The following PKD1L1 variants were observed in gnomAD, a reference collection of about 807,000 sequenced individuals.
PKD1L1 encodes polycystin 1 like 1, transient receptor potential channel interacting, also known as polycystin-1-like protein 1.
Under a neutral mutation model 323.4 loss-of-function variants are expected in PKD1L1, and 236 were observed. The ratio of observed to expected loss-of-function variants is 0.73; its 90% CI spans 0.66 to 0.81. The LOEUF (loss-of-function observed/expected upper bound fraction) is 0.81, where lower values mean the gene tolerates loss of function less well. Among genes scored for constraint, PKD1L1 ranks in the 40% least tolerant of loss-of-function variants. The pLI, the probability that PKD1L1 is intolerant of heterozygous loss-of-function variation, is 0.00. For missense variants in PKD1L1, 3,320 were observed against 3,508.0 expected, an observed-to-expected ratio of 0.95 and a Z score of 1.35; for synonymous variants, 1,344 against 1,335.0, an observed-to-expected ratio of 1.01 and a Z score of -0.15.
At chr7:47,833,009 C>T in intron 41 of PKD1L1, 81 bp downstream of exon 41, 1 of 1,493,048 alleles carries the variant, frequency 6.7e-7, no homozygotes. Context: ...CCAATTGTGA[C>T]TCTGCTTGCC....
chr7:47,884,438 G>A (rs1017856554), intron 19 of PKD1L1, among the ~76,000 whole-genome samples, 160 bp downstream of exon 19: 1 of 152,110 alleles, frequency 6.6e-6, no homozygotes, highest in Admixed American at 6.5e-5. Flanking sequence ...TAGAAATAAA[G>A]GTTTGGTTCA....
intron 44 of PKD1L1, among the ~76,000 whole-genome samples, chr7:47,828,324 T>C (rs967488078): frequency 6.6e-6 from 1 of 151,544 alleles, no homozygotes; most frequent in African/African-American, 2.4e-5. Flanking sequence ...AGAAAGAAAA[T>C]GAACAAACTG....
chr7:47,792,907 G>T, intron 55 of PKD1L1, 110 bp from the exon 56 acceptor site: 1 of 1,027,874 alleles, frequency 9.7e-7, no homozygotes, highest in Non-Finnish European at 1.4e-6. Context: ...ATTGGGCTAT[G>T]TTAGGAAACA....
At chr7:47,836,112 T>C (rs1785451795) in intron 37 of PKD1L1, among the ~76,000 whole-genome samples, 1 of 152,236 alleles carries the variant, frequency 6.6e-6, no homozygotes, top group Admixed American at 6.5e-5. Context: ...TTCCTGCTAC[T>C]TGATGATATT....
intron 17 of PKD1L1, among the ~76,000 whole-genome samples, chr7:47,887,414 C>T (rs1042797891): frequency 3.9e-5 from 6 of 152,236 alleles, no homozygotes; most frequent in Non-Finnish European, 5.9e-5. Flanking sequence ...TTCAAACCTT[C>T]GTGTCCTGCA....
intron 34 of PKD1L1, among the ~76,000 whole-genome samples, chr7:47,842,243 G>A (rs1785577140): frequency 6.6e-6 from 1 of 152,182 alleles, no homozygotes; most frequent in Non-Finnish European, 1.5e-5. Flanking sequence ...TGGTGAGTAA[G>A]GACCACATAA....
Position 47,890,528 on chromosome 7 carries a change from A to G in PKD1L1, c.2675+14T>C, listed in dbSNP as rs1786787795. ...ACCGGTGAGCTGAGCTGTGCTGAAT[A>G]CAGGGTCAGGTACCTGAACGCCGAG... On this transcript the variant is annotated intron_variant, in intron 16 of 56. Transcript: ENST00000289672. The G allele has an allele frequency of 6.2e-7, 1 of 1,612,428 alleles. No individual in the cohort carries two copies. Among genetic ancestry groups the G allele is most frequent in the Non-Finnish European group, 8.5e-7 (1 of 1,178,836 alleles).
At chr7:47,871,775 C>G (rs1031441705) in intron 24 of PKD1L1, among the ~76,000 whole-genome samples, 1 of 152,202 alleles carries the variant, frequency 6.6e-6, no homozygotes, top group Non-Finnish European at 1.5e-5. Context: ...AGAACATCCT[C>G]AATCTGATAA....
At chr7:47,803,538 G>A (rs867690873) in intron 52 of PKD1L1, among the ~76,000 whole-genome samples, 194 bp from the exon 53 acceptor site, 19 of 152,182 alleles carry the variant, frequency 1.2e-4, no homozygotes, top group Non-Finnish European at 2.1e-4. Flanking sequence ...AATACAAATC[G>A]TAACGCATTT....
intron 42 of PKD1L1, among the ~76,000 whole-genome samples, chr7:47,830,390 A>G (rs1479761075): frequency 6.6e-6 from 1 of 152,258 alleles, no homozygotes; most frequent in African/African-American, 2.4e-5. Flanking sequence ...GAAACAGAGC[A>G]CAGAGAGGGG....
chr7:47,779,356 T>C (rs1479859646), intron 56 of PKD1L1, among the ~76,000 whole-genome samples: 1 of 152,218 alleles, frequency 6.6e-6, no homozygotes, highest in Non-Finnish European at 1.5e-5. Flanking sequence ...TACGATGCTG[T>C]TCAAAATGCT....
intron 7 of PKD1L1, 127 bp downstream of exon 7, chr7:47,929,077 G>T: frequency 1.0e-6 from 1 of 970,464 alleles, no homozygotes; most frequent in Non-Finnish European, 1.5e-6. Context: ...TATTCTTGGA[G>T]CCAGGAAGGT....
intron 22 of PKD1L1, among the ~76,000 whole-genome samples, chr7:47,876,859 A>C (rs1786416148): frequency 6.6e-6 from 1 of 151,984 alleles, no homozygotes; most frequent in African/African-American, 2.4e-5. Context: ...GGCTCACTGC[A>C]ACCTCCGCCT....
At chr7:47,843,970 T>C (rs1461394693) in intron 33 of PKD1L1, among the ~76,000 whole-genome samples, 1 of 151,984 alleles carries the variant, frequency 6.6e-6, no homozygotes, top group Non-Finnish European at 1.5e-5. Flanking sequence ...TGTTCAGAGC[T>C]CTGCCCCACG....
intron 14 of PKD1L1, among the ~76,000 whole-genome samples, chr7:47,894,306 C>T (rs1786890154): frequency 1.3e-5 from 2 of 152,164 alleles, no homozygotes; most frequent in South Asian, 4.1e-4. Context: ...TTGGGCATTT[C>T]CTAGCTTGTG....
At chr7:47,812,289 C>T (rs952108202) in intron 49 of PKD1L1, among the ~76,000 whole-genome samples, 4 of 151,960 alleles carry the variant, frequency 2.6e-5, no homozygotes, top group African/African-American at 9.7e-5. Flanking sequence ...CCAGGGGACC[C>T]TCAGGCAGGA....
At chr7:47,854,654 T>C (rs1317816741) in intron 30 of PKD1L1, among the ~76,000 whole-genome samples, 1 of 152,218 alleles carries the variant, frequency 6.6e-6, no homozygotes, top group African/African-American at 2.4e-5. Flanking sequence ...TCACTAATAA[T>C]TATAATGCTT....
rs568022704 is a variant in PKD1L1 at position 47,825,582 on chromosome 7, A to G, written c.6854+1768T>C. On this transcript the variant is annotated intron_variant, in intron 45 of 56. Coordinates refer to ENST00000289672, the MANE Select transcript of PKD1L1 (RefSeq NM_138295.5). ...AACTTTGTTACAAGTATTTTTTCCT[A>G]GTTTGTCACTGCCATTTTATTTTAC... 1.1e-3 allele frequency among the ~76,000 whole-genome samples: 161 copies of G among 149,968 alleles called. 2 individuals carry two copies. Among genetic ancestry groups the G allele is most frequent in the Non-Finnish European group, 1.6e-3 (108 of 67,552 alleles).
Position 47,890,690 on chromosome 7 carries a change from C to A in PKD1L1, c.2527G>T (p.Asp843Tyr). Residue 843 changes from aspartate (D) to tyrosine (Y), a missense_variant, in exon 16 of 57, where the codon GAT becomes TAT. By Grantham distance (160) the Asp-to-Tyr change is radical. Coordinates refer to ENST00000289672, the MANE Select transcript of PKD1L1 (RefSeq NM_138295.5). ...CFDSSTAHQLDAAAPTVSFEA... is the reference protein window; with the variant it reads ...CFDSSTAHQLYAAAPTVSFEA... ...AAGGAAACAGTGGGAGCCGCGGCAT[C>A]CAGTTGGTGTGCAGTGGAGGAGTCG... 1.2e-6 allele frequency: 2 copies of A among 1,613,830 alleles called. No individual in the cohort carries two copies. The highest frequency in any genetic ancestry group is 8.5e-7 in the Non-Finnish European group (1 of 1,180,028).
Sources: gnomAD v4.1 joint callset for allele counts (sites outside exome capture counted in the v4.1 genomes callset) on GRCh38, gnomAD v4.1.1 for gene constraint, MANE v1.5 for transcripts, NCBI Gene and HGNC (gene_info 2026-07-23, HGNC 2026-07-21) for gene names.